Variants in MCOLN2 observed in about 807,000 individuals in gnomAD.
The protein encoded by MCOLN2 is mucolipin-2.
A neutral mutation model predicts 67.5 loss-of-function variants in MCOLN2; 57 were observed. The ratio of observed to expected loss-of-function variants is 0.84; its 90% CI spans 0.68 to 1.05. The LOEUF (loss-of-function observed/expected upper bound fraction) is 1.05. Among genes scored for constraint, MCOLN2 ranks in the 50% least tolerant of loss-of-function variants. The pLI, the probability that MCOLN2 is intolerant of heterozygous loss-of-function variation, is 0.00. For missense variants in MCOLN2, 620 were observed against 678.8 expected (o/e 0.91, Z 0.96); for synonymous variants, 246 against 233.3 (o/e 1.05, Z -0.50).
intron 1 of MCOLN2, among the ~76,000 whole-genome samples, chr1:84,995,852 T>C (rs769907699): frequency 2.0e-5 from 3 of 152,058 alleles, no homozygotes; most frequent in Non-Finnish European, 2.9e-5. Flanking sequence ...GAAAAGAATG[T>C]GGCTACCTCA....
intron 6 of MCOLN2, among the ~76,000 whole-genome samples, chr1:84,949,588 C>T (rs900727330): frequency 2.6e-5 from 4 of 152,024 alleles, no homozygotes; most frequent in African/African-American, 7.2e-5. Flanking sequence ...TTGCAGTGAG[C>T]GGAGATTGTG....
At position 84,937,967 on chromosome 1, in the gene MCOLN2, T is replaced by C; in HGVS notation, c.1212+14A>G. ...TCTCAACTGCAGTGGCACTACCCGG[T>C]GCCGCATCCTTACATTATATGCCTG... is the stretch of plus-strand genomic sequence containing the variant. On this transcript the variant is annotated intron_variant, in intron 10 of 13. Transcript: ENST00000370608. 1 of 1,613,132 alleles carries C rather than the reference T, an allele frequency of 6.2e-7. No individual in the cohort carries two copies. Among genetic ancestry groups the C allele is most frequent in the Non-Finnish European group, 8.5e-7 (1 of 1,179,078 alleles).
chr1:84,943,367 G>A (rs1421860814), intron 7 of MCOLN2, among the ~76,000 whole-genome samples: 1 of 152,146 alleles, frequency 6.6e-6, no homozygotes, highest in Non-Finnish European at 1.5e-5. Context: ...AGCCATGGGA[G>A]TGACGGCCCC....
In MCOLN2 at chr1:84,925,765, C is replaced by T. The variant is rs1661127506; in HGVS notation, c.*920G>A. On this transcript the variant is annotated 3_prime_UTR_variant, in exon 14 of 14. Coordinates refer to ENST00000370608, the MANE Select transcript of MCOLN2 (RefSeq NM_153259.4). ...AAGTGACGAGGCAGCCAAATGATTC[C>T]ATTTCTTATTTATCCCACTGGCTAT... 1 of 152,174 alleles carries T rather than the reference C, an allele frequency of 6.6e-6. No individual in the cohort carries two copies. Among genetic ancestry groups the T allele is most frequent in the African/African-American group, 2.4e-5 (1 of 41,430 alleles). The allele number at this position is 152,174 out of a possible 1,614,324, so 9.4% of individuals were successfully genotyped here. A position where few individuals can be genotyped will look rare whatever the true frequency, so the allele number is the denominator to read the frequency against.
chr1:84,987,191 T>A (rs1650550471), intron 1 of MCOLN2, among the ~76,000 whole-genome samples: 1 of 119,916 alleles, frequency 8.3e-6, no homozygotes, highest in African/African-American at 2.8e-5. Flanking sequence ...TATCTATCTA[T>A]CTATCTATCT....
intron 7 of MCOLN2, among the ~76,000 whole-genome samples, chr1:84,945,490 T>C (rs921461481): frequency 4.6e-5 from 7 of 152,178 alleles, no homozygotes; most frequent in African/African-American, 1.7e-4. Flanking sequence ...ACTTCAATCG[T>C]CAGGACATAT....
chr1:84,968,337 C>A (rs1274408617), intron 1 of MCOLN2, among the ~76,000 whole-genome samples: 5 of 152,090 alleles, frequency 3.3e-5, no homozygotes, highest in African/African-American at 9.7e-5. Flanking sequence ...TCTGGAGGAC[C>A]CAGACTGGAA....
Position 84,926,403 on chromosome 1 carries a change from C to G in MCOLN2, c.*282G>C, listed in dbSNP as rs373002515. On this transcript the variant is annotated 3_prime_UTR_variant, in exon 14 of 14. Coordinates refer to ENST00000370608, the MANE Select transcript of MCOLN2 (RefSeq NM_153259.4). ...ACTCTGAAATGATCTTTTTCCATTC[C>G]GAGATCATGTCATAAATTAACAGAC... 2 of 303,512 alleles carry G rather than the reference C, an allele frequency of 6.6e-6. No homozygotes were observed. Among genetic ancestry groups the G allele is most frequent in the Admixed American group, 5.0e-5 (1 of 19,918 alleles). 18.8% of individuals were successfully genotyped at this position (303,512 alleles called of 1,614,324 possible). A position where few individuals can be genotyped will look rare whatever the true frequency, so the allele number is the denominator to read the frequency against.
chr1:84,987,567 T>C (rs1557665954), intron 1 of MCOLN2, among the ~76,000 whole-genome samples: 2 of 87,998 alleles, frequency 2.3e-5, no homozygotes, highest in Non-Finnish European at 4.4e-5. Context: ...TATGTATACA[T>C]AGATGTATAC....
At chr1:84,990,212 C>T (rs997548673) in intron 1 of MCOLN2, among the ~76,000 whole-genome samples, 2 of 141,072 alleles carry the variant, frequency 1.4e-5, no homozygotes, top group African/African-American at 2.6e-5. Context: ...GCAGGAGAAT[C>T]GCTTGAACCT....
chr1:84,987,969 C>T (rs779826368), intron 1 of MCOLN2, among the ~76,000 whole-genome samples: 1 of 152,088 alleles, frequency 6.6e-6, no homozygotes, highest in East Asian at 1.9e-4. Context: ...ACAGTGTACA[C>T]TGCTTGGGTG....
intron 2 of MCOLN2, among the ~76,000 whole-genome samples, chr1:84,959,782 G>A (rs1255571345): frequency 6.6e-6 from 1 of 152,124 alleles, no homozygotes; most frequent in African/African-American, 2.4e-5. Context: ...TTCTTCCTAT[G>A]TAAAATTAGC....
chr1:84,991,891 G>T (rs1650905220), intron 1 of MCOLN2, among the ~76,000 whole-genome samples: 1 of 152,178 alleles, frequency 6.6e-6, no homozygotes, highest in Admixed American at 6.5e-5. Flanking sequence ...GATTCCACAT[G>T]CAGTTAAAAC....
At chr1:84,990,844 A>G (rs1328592271) in intron 1 of MCOLN2, among the ~76,000 whole-genome samples, 1 of 151,968 alleles carries the variant, frequency 6.6e-6, no homozygotes, top group Non-Finnish European at 1.5e-5. Flanking sequence ...CTGAGGCAGG[A>G]GGATCGCTTG....
At chr1:84,946,609 G>T (rs1648125175) in intron 7 of MCOLN2, among the ~76,000 whole-genome samples, 1 of 152,150 alleles carries the variant, frequency 6.6e-6, no homozygotes, top group Non-Finnish European at 1.5e-5. Flanking sequence ...TTGAGCTTTG[G>T]TCATGTCAGT....
Position 84,958,529 on chromosome 1 carries a change from C to T in MCOLN2, c.411G>A (p.Gln137=), listed in dbSNP as rs747370007. 2.5e-6 allele frequency: 4 copies of T among 1,599,478 alleles called. No individual in the cohort carries two copies. In the Admixed American group the frequency reaches 5.4e-5, roughly 22 times the overall value. Residue 137 remains glutamine, a splice_region_variant and synonymous_variant, in exon 3 of 14, where the codon CAG becomes CAA. Coordinates refer to ENST00000370608, the MANE Select transcript of MCOLN2 (RefSeq NM_153259.4). ...AYESIFFAIN[Q]YHQLKDITLG... is the part of the protein sequence containing the mutation. Reference sequence around the variant, plus strand: ...AGGTCATTCACAACAAAACACTTGCCTGATTAATAGCAAAAAAGATGCTCT... The same window carrying T: ...AGGTCATTCACAACAAAACACTTGCTTGATTAATAGCAAAAAAGATGCTCT...
chr1:84,973,053 C>T (rs1026628693), intron 1 of MCOLN2, among the ~76,000 whole-genome samples: 6 of 152,122 alleles, frequency 3.9e-5, no homozygotes, highest in African/African-American at 1.4e-4. Flanking sequence ...CAAGACCATT[C>T]ACTGGTATGT....
chr1:84,989,772 ACTAT>A (rs1419028253), intron 1 of MCOLN2, among the ~76,000 whole-genome samples: 2 of 152,204 alleles, frequency 1.3e-5, no homozygotes, highest in African/African-American at 4.8e-5. Context: ...GCAAAAGTTA[ACTAT>A]CTATTGTGAT....
At chr1:84,967,849 AGAGG>A (rs1172915003) in intron 1 of MCOLN2, among the ~76,000 whole-genome samples, 1 of 108,310 alleles carries the variant, frequency 9.2e-6, no homozygotes, top group Non-Finnish European at 1.8e-5. Context: ...AAGAAGGGAG[AGAGG>A]GAGGGAAGGA....
Sources: allele counts gnomAD v4.1 joint callset (sites outside exome capture counted in the v4.1 genomes callset), GRCh38; gene constraint gnomAD v4.1.1; transcripts MANE v1.5; gene names NCBI Gene and HGNC (gene_info 2026-07-23, HGNC 2026-07-21).